NR4A3: variants seen among roughly 807,000 people sequenced by gnomAD.
The protein encoded by NR4A3 is nuclear receptor subfamily 4 group A member 3.
Under a neutral mutation model 55.6 loss-of-function variants are expected in NR4A3, and 13 were observed. That is an observed-to-expected ratio of 0.23 (90% CI 0.15 to 0.37). The LOEUF is 0.37. Among genes scored for constraint, NR4A3 ranks in the 10% least tolerant of loss-of-function variants. NR4A3 has a pLI of 1.00. For missense variants in NR4A3, 646 were observed against 822.8 expected (o/e 0.79, Z 2.63); for synonymous variants, 342 against 357.9 (o/e 0.96, Z 0.50).
chr9:99,832,019 TTTTTTGTTTTC>T (rs1289392278), intron 3 of NR4A3, among the ~76,000 whole-genome samples: 1 of 152,074 alleles, frequency 6.6e-6, no homozygotes, highest in Non-Finnish European at 1.5e-5. Context: ...TACCTTGGGG[TTTTTTGTTTTC>T]TTCCTTGGAT....
chr9:99,832,596 G>A (rs1827465565), intron 3 of NR4A3, 93 bp from the exon 4 acceptor site: 2 of 1,108,358 alleles, frequency 1.8e-6, no homozygotes, highest in Admixed American at 2.8e-5. Flanking sequence ...GAATTGCACT[G>A]TCGCTTTTCA....
In NR4A3 at chr9:99,827,365, G is replaced by A. The variant is rs567122845; in HGVS notation, c.-2-676G>A. Among the ~76,000 whole-genome samples, 9 of 151,516 alleles carry A rather than the reference G, an allele frequency of 5.9e-5. No homozygotes were observed. In the South Asian group the frequency reaches 1.7e-3, roughly 28 times the overall value. ...CTTTGCAGATGGTACAAACTCTCCC[G>A]AGTCAATTTCCTGGGCCTATGTCCC... On this transcript the variant is annotated intron_variant, in intron 2 of 7. Transcript: ENST00000395097.
Position 99,866,561 on chromosome 9 carries a change from T to G in NR4A3, c.*2694T>G, listed in dbSNP as rs185251894. 1.8e-5 allele frequency: 4 copies of G among 222,322 alleles called. No individual in the cohort carries two copies. The Admixed American group carries it at 2.3e-4, about 13-fold the overall frequency. The allele number at this position is 222,322 out of a possible 1,614,324, so 13.8% of individuals were successfully genotyped here. The stretch of plus-strand genomic sequence containing the variant: ...AAGTCATCTTATCAACTCAACTCCC[T>G]TTTTTTTGTCTTAATGTTGCACATA... On this transcript the variant is annotated 3_prime_UTR_variant, in exon 8 of 8. Coordinates refer to ENST00000395097, the MANE Select transcript of NR4A3 (RefSeq NM_006981.4).
intron 7 of NR4A3, among the ~76,000 whole-genome samples, chr9:99,850,536 A>G (rs1827829523): frequency 6.6e-6 from 1 of 152,184 alleles, no homozygotes; most frequent in South Asian, 2.1e-4. Flanking sequence ...TATTCCCTGC[A>G]GTTACAGCTG....
intron 7 of NR4A3, among the ~76,000 whole-genome samples, chr9:99,855,991 C>G: frequency 6.6e-6 from 1 of 152,046 alleles, no homozygotes; most frequent in Non-Finnish European, 1.5e-5. Flanking sequence ...CTCATATAAG[C>G]CCAAGAGGCA....
At chr9:99,851,937 C>T (rs56052883) in intron 7 of NR4A3, among the ~76,000 whole-genome samples, 14 of 152,306 alleles carry the variant, frequency 9.2e-5, no homozygotes, top group African/African-American at 2.4e-4. Context: ...AGCATTGTAC[C>T]AGTCTCTTGG....
intron 7 of NR4A3, among the ~76,000 whole-genome samples, chr9:99,859,597 G>T (rs890698427): frequency 6.6e-6 from 1 of 152,194 alleles, no homozygotes; most frequent in African/African-American, 2.4e-5. Context: ...TGATCCAGCT[G>T]GCAGGAGGTA....
In NR4A3 at chr9:99,865,593, A is replaced by T. The variant is rs981431804; in HGVS notation, c.*1726A>T. On this transcript the variant is annotated 3_prime_UTR_variant, in exon 8 of 8. Coordinates refer to ENST00000395097, the MANE Select transcript of NR4A3 (RefSeq NM_006981.4). The surrounding 1 kb of genome is among the most constrained non-coding windows in gnomAD (Gnocchi z 4.3). The stretch of plus-strand genomic sequence containing the variant: ...CTAAGAAACAAACTTTGAATGTCAA[A>T]CTGATGTCACAGTAGTTTTTGTTAG... The T allele has an allele frequency of 1.6e-5, 3 of 189,132 alleles. No individual in the cohort carries two copies. The highest frequency in any genetic ancestry group is 3.3e-5 in the Non-Finnish European group (3 of 89,720). 11.7% of individuals were successfully genotyped at this position (189,132 alleles called of 1,614,324 possible). A position where few individuals can be genotyped will look rare whatever the true frequency, so the allele number is the denominator to read the frequency against.
rs1828058284 is a variant in NR4A3, at chr9:99,864,389, A to AT, written c.*526dup. On this transcript the variant is annotated 3_prime_UTR_variant, in exon 8 of 8. Transcript: ENST00000395097. ...TTCCTTTTAATTTCCTTCTTCCTTT[A>AT]TTTTAACAAATGGTGAAAGATGGAG... The AT allele has an allele frequency of 4.4e-6, 1 of 228,188 alleles. No homozygotes were observed. Among genetic ancestry groups the AT allele is most frequent in the African/African-American group, 2.2e-5 (1 of 45,064 alleles). 14.1% of individuals were successfully genotyped at this position (228,188 alleles called of 1,614,324 possible). A position where few individuals can be genotyped will look rare whatever the true frequency, so the allele number is the denominator to read the frequency against.
intron 2 of NR4A3, among the ~76,000 whole-genome samples, chr9:99,827,256 A>ATGTGTGTGTG (rs1419603893): frequency 2.2e-5 from 3 of 138,886 alleles, no homozygotes; most frequent in African/African-American, 8.1e-5. Context: ...TGGGATATAT[A>ATGTGTGTGTG]TATGTGTGTG....
Position 99,828,467 on chromosome 9 carries a change from C to G in NR4A3, c.425C>G (p.Thr142Ser). ...TACTTCAAGCAGTCCCCACCGTCCA[C>G]CCCCACCACGCCGGCCTTCCCCCCG... ...SMYFKQSPPS[T>S]PTTPAFPPQA... The change falls in exon 3 of 8, where the codon ACC (threonine) becomes AGC (serine). Residue 142 changes from threonine to serine, a missense_variant. By Grantham distance (58) the Thr-to-Ser change is moderately conservative (BLOSUM62 1). Transcript: ENST00000395097. This position sits in a 1 kb window ranked among gnomAD's most constrained non-coding sequence, Gnocchi z 7.7. 1 of 1,576,744 alleles carries G rather than the reference C, an allele frequency of 6.3e-7. No individual in the cohort carries two copies. Among genetic ancestry groups the G allele is most frequent in the Non-Finnish European group, 8.6e-7 (1 of 1,162,776 alleles).
Position 99,863,731 on chromosome 9 carries a change from A to G in NR4A3, c.1745A>G (p.Lys582Arg). The G allele has an allele frequency of 6.2e-7, 1 of 1,613,954 alleles. No individual in the cohort carries two copies. The highest frequency in any genetic ancestry group is 1.1e-5 in the South Asian group (1 of 91,080). ...KGQALEPTES[K>R]VLGALVELRK... is the part of the protein sequence containing the mutation. ...CAGGCTCTGGAGCCCACCGAGTCCA[A>G]GGTCCTGGGTGCCCTGGTAGAACTG... Residue 582 changes from lysine (K) to arginine (R), a missense_variant, in exon 8 of 8, where the codon AAG becomes AGG. Physicochemically the swap from Lys to Arg is conservative, Grantham distance 26 (BLOSUM62 2). This residue lies in a region of NR4A3 where 163 missense variants were observed against 233.0 expected (regional missense o/e 0.70). Transcript: ENST00000395097.
At position 99,864,535 on chromosome 9, in the gene NR4A3, G is replaced by A; in HGVS notation, c.*668G>A. ...TATTAACTCTCCTTTATTCTATATG[G>A]AAATAAAAAGGAGGCAGTCATGTTA... is the stretch of plus-strand genomic sequence containing the variant. On this transcript the variant is annotated 3_prime_UTR_variant, in exon 8 of 8. Transcript: ENST00000395097. 2 of 226,738 alleles carry A rather than the reference G, an allele frequency of 8.8e-6. No individual in the cohort carries two copies. The highest frequency in any genetic ancestry group is 1.8e-5 in the Non-Finnish European group (2 of 113,710). The allele number at this position is 226,738 out of a possible 1,614,324, so 14.0% of individuals were successfully genotyped here.
At chr9:99,823,097 G>A (rs1225205491) in intron 1 of NR4A3, among the ~76,000 whole-genome samples, 1 of 152,214 alleles carries the variant, frequency 6.6e-6, no homozygotes, top group African/African-American at 2.4e-5. Context: ...GGTAAATCGG[G>A]TGTAATTGGC....
intron 5 of NR4A3, among the ~76,000 whole-genome samples, chr9:99,838,331 G>T (rs1460986139): frequency 5.3e-5 from 8 of 152,222 alleles, no homozygotes; most frequent in Admixed American, 5.2e-4. Context: ...GTGCTGCTCA[G>T]ATAAAACCAG....
chr9:99,861,536 G>GGGAA lies in NR4A3; in HGVS notation c.1634-2072_1634-2069dup, dbSNP rs771997333. On this transcript the variant is annotated intron_variant, in intron 7 of 7. Transcript: ENST00000395097. ...AGGAAGGAAGGAAGGAAGGGAGGGAGGGAAGGAAGGAAGGAGGACACATCA... is the reference window on the plus strand; with the variant it reads ...AGGAAGGAAGGAAGGAAGGGAGGGAGGGAAGGAAGGAAGGAAGGAGGACACATCA... Among the ~76,000 whole-genome samples the GGGAA allele has an allele frequency of 7.2e-5, 11 of 152,014 alleles. No homozygotes were observed. In the East Asian group the frequency reaches 1.7e-3, roughly 24 times the overall value.
At chr9:99,838,998 A>G (rs1827605628) in intron 5 of NR4A3, among the ~76,000 whole-genome samples, 1 of 152,278 alleles carries the variant, frequency 6.6e-6, no homozygotes, top group Non-Finnish European at 1.5e-5. Context: ...AATGGCTGCT[A>G]GGTAGTAGGC....
At chr9:99,839,773 T>C (rs1827620229) in intron 5 of NR4A3, among the ~76,000 whole-genome samples, 1 of 152,122 alleles carries the variant, frequency 6.6e-6, no homozygotes, top group Non-Finnish European at 1.5e-5. Context: ...AGGAAAAAAG[T>C]TCATTTAAAA....
chr9:99,837,250 T>C (rs991866315), intron 5 of NR4A3, among the ~76,000 whole-genome samples: 7 of 152,218 alleles, frequency 4.6e-5, no homozygotes, highest in Non-Finnish European at 8.8e-5. Flanking sequence ...GTTTGAGTAA[T>C]TTCCTTAATA....
Sources: allele counts gnomAD v4.1 joint callset (sites outside exome capture counted in the v4.1 genomes callset), GRCh38; gene constraint gnomAD v4.1.1; regional missense constraint gnomAD v4.1.1; non-coding constraint Gnocchi (gnomAD v3.1); transcripts MANE v1.5; gene names NCBI Gene and HGNC (gene_info 2026-07-23, HGNC 2026-07-21).